Variants in NRXN1 observed in about 807,000 individuals in gnomAD.
The protein encoded by NRXN1 is neurexin 1.
A neutral mutation model predicts 150.9 loss-of-function variants in NRXN1; 39 were observed. The observed-to-expected ratio is 0.26, with a 90% CI of 0.20 to 0.34. The LOEUF is 0.34. Ranked by LOEUF, NRXN1 falls within the 10% of genes least tolerant of loss-of-function variation. The probability of loss-of-function intolerance (pLI) is 1.00; values close to 1 mark genes in which losing one functional copy is unlikely to be tolerated. For missense variants in NRXN1, 1,815 were observed against 1,949.9 expected (o/e 0.93, Z 1.30); for synonymous variants, 924 against 757.0 (o/e 1.22, Z -3.62).
At position 50,145,959 on chromosome 2, in the gene NRXN1, A is replaced by G. The variant is rs551596891; in HGVS notation, c.3547-54465T>C. The stretch of plus-strand genomic sequence containing the variant: ...TATGTCAGTAGTCTAGGGATGACAA[A>G]TAGCCAGAAAAAAAAAATTCATTAG... On this transcript the variant is annotated intron_variant, in intron 18 of 22. Coordinates refer to ENST00000401669, the MANE Select transcript of NRXN1 (RefSeq NM_001330078.2). 8.6e-5 allele frequency among the ~76,000 whole-genome samples: 13 copies of G among 151,686 alleles called. No individual in the cohort carries two copies. The East Asian group carries it at 2.3e-3, about 27-fold the overall frequency.
intron 18 of NRXN1, among the ~76,000 whole-genome samples, chr2:50,125,601 A>G (rs1313276943): frequency 6.6e-6 from 1 of 152,120 alleles, no homozygotes; most frequent in Non-Finnish European, 1.5e-5. Flanking sequence ...TTCCTTCCAT[A>G]AAAACATTAA....
intron 5 of NRXN1, among the ~76,000 whole-genome samples, chr2:50,696,812 C>T (rs1242680105): frequency 2.0e-5 from 3 of 152,144 alleles, no homozygotes. Flanking sequence ...TACCAGGAGT[C>T]ATAGAGAAGT....
intron 18 of NRXN1, among the ~76,000 whole-genome samples, chr2:50,212,064 T>C (rs1335670588): frequency 2.0e-5 from 3 of 151,740 alleles, no homozygotes; most frequent in Non-Finnish European, 4.4e-5. Context: ...ATATTCACTA[T>C]TAAAGTTTCC....
Position 50,930,082 on chromosome 2 carries a change from A to G in NRXN1, c.773-4127T>C, listed in dbSNP as rs571348205. ...GCTAATTTCAAACATGCTTTTTAAC[A>G]GAGGACATCACCTCCTTTTTCAATC... On this transcript the variant is annotated intron_variant, in intron 2 of 22. Coordinates refer to ENST00000401669, the MANE Select transcript of NRXN1 (RefSeq NM_001330078.2). Among the ~76,000 whole-genome samples, 16 of 152,250 alleles carry G rather than the reference A, an allele frequency of 1.1e-4. No homozygotes were observed. In the East Asian group the frequency reaches 2.5e-3, roughly 24 times the overall value.
chr2:50,343,634 G>A (rs903070428), intron 17 of NRXN1, among the ~76,000 whole-genome samples: 2 of 152,102 alleles, frequency 1.3e-5, no homozygotes, highest in Admixed American at 6.5e-5. Context: ...AAAGATACTC[G>A]GGTAGCCATG....
intron 2 of NRXN1, among the ~76,000 whole-genome samples, chr2:50,992,640 T>C (rs1271417678): frequency 6.6e-6 from 1 of 151,994 alleles, no homozygotes; most frequent in African/African-American, 2.4e-5. Flanking sequence ...ATCAGGAAGC[T>C]GGTTTAATGA....
At chr2:50,492,044 A>T (rs1049151048) in intron 15 of NRXN1, among the ~76,000 whole-genome samples, 9 of 152,192 alleles carry the variant, frequency 5.9e-5, no homozygotes, top group African/African-American at 1.7e-4. Context: ...ATATATGCAC[A>T]TCCTAACATA....
chr2:50,350,312 A>G (rs1162088434), intron 17 of NRXN1, among the ~76,000 whole-genome samples: 1 of 152,228 alleles, frequency 6.6e-6, no homozygotes, highest in Non-Finnish European at 1.5e-5. Flanking sequence ...TCTTGCATTT[A>G]GGAACATTAG....
chr2:50,339,436 C>A lies in NRXN1; in HGVS notation c.3365-102466G>T, dbSNP rs751931067. Reference sequence around the variant, plus strand: ...CTGAATTTCACAACAAAAATGACTACAAGATTCAAAGAAAGTTCATAGAAA... The same window carrying A: ...CTGAATTTCACAACAAAAATGACTAAAAGATTCAAAGAAAGTTCATAGAAA... On this transcript the variant is annotated intron_variant, in intron 17 of 22. Coordinates refer to ENST00000401669, the MANE Select transcript of NRXN1 (RefSeq NM_001330078.2). Among the ~76,000 whole-genome samples, 5 of 152,100 alleles carry A rather than the reference C, an allele frequency of 3.3e-5. No individual in the cohort carries two copies. In the South Asian group the frequency reaches 6.2e-4, roughly 19 times the overall value.
At chr2:50,246,600 G>A (rs1305719014) in intron 17 of NRXN1, among the ~76,000 whole-genome samples, 1 of 151,924 alleles carries the variant, frequency 6.6e-6, no homozygotes, top group Non-Finnish European at 1.5e-5. Context: ...GAACAGAAGG[G>A]AATATTAGTT....
At chr2:50,626,846 A>C (rs992995642) in intron 5 of NRXN1, among the ~76,000 whole-genome samples, 1 of 151,964 alleles carries the variant, frequency 6.6e-6, no homozygotes, top group Non-Finnish European at 1.5e-5. Flanking sequence ...CCTATTAATC[A>C]ACAAAGGATT....
chr2:50,755,867 G>A (rs1327265953), intron 5 of NRXN1, among the ~76,000 whole-genome samples: 2 of 151,862 alleles, frequency 1.3e-5, no homozygotes, highest in Admixed American at 6.6e-5. Flanking sequence ...AAGGTGAGCT[G>A]AAAAGTGTTG....
chr2:50,207,206 C>T (rs1197934320), intron 18 of NRXN1, among the ~76,000 whole-genome samples: 2 of 152,094 alleles, frequency 1.3e-5, no homozygotes, highest in African/African-American at 4.8e-5. Context: ...ATTTTATCTA[C>T]CTGATTTAAA....
chr2:50,887,908 G>GTTA, intron 5 of NRXN1, among the ~76,000 whole-genome samples: 1 of 148,814 alleles, frequency 6.7e-6, no homozygotes, highest in South Asian at 2.1e-4. Flanking sequence ...TTGTAAAATA[G>GTTA]TTATTTTTTT....
chr2:50,132,218 C>A (rs575308272), intron 18 of NRXN1, among the ~76,000 whole-genome samples: 14 of 151,628 alleles, frequency 9.2e-5, no homozygotes, highest in Non-Finnish European at 1.9e-4. Flanking sequence ...AACTCTACTG[C>A]AAAGTAAAGT....
chr2:50,053,144 T>C, intron 21 of NRXN1, 127 bp downstream of exon 21: 2 of 884,318 alleles, frequency 2.3e-6, no homozygotes, highest in Middle Eastern at 3.1e-4. Context: ...GTTAAGCTAG[T>C]TTCAAAGGAA....
At chr2:50,274,174 C>CA (rs1162145965) in intron 17 of NRXN1, among the ~76,000 whole-genome samples, 1 of 152,016 alleles carries the variant, frequency 6.6e-6, no homozygotes, top group Non-Finnish European at 1.5e-5. Flanking sequence ...GGCACATATA[C>CA]ACCATGGAAT....
At chr2:50,323,861 G>T (rs2152976707) in intron 17 of NRXN1, among the ~76,000 whole-genome samples, 1 of 152,282 alleles carries the variant, frequency 6.6e-6, no homozygotes, top group South Asian at 2.1e-4. Flanking sequence ...TTTAACAAAA[G>T]TGGATCAAAC....
chr2:50,742,264 T>C (rs1195418593), intron 5 of NRXN1, among the ~76,000 whole-genome samples: 1 of 150,886 alleles, frequency 6.6e-6, no homozygotes, highest in Non-Finnish European at 1.5e-5. Flanking sequence ...AATATTTACA[T>C]ATATATATAT....
Sources: gnomAD v4.1 joint callset for allele counts (sites outside exome capture counted in the v4.1 genomes callset) on GRCh38, gnomAD v4.1.1 for gene constraint, MANE v1.5 for transcripts, NCBI Gene and HGNC (gene_info 2026-07-23, HGNC 2026-07-21) for gene names.